The following AGMO variants were observed in gnomAD, a reference collection of about 807,000 sequenced individuals.
AGMO encodes the protein alkylglycerol monooxygenase, also known as glyceryl-ether monooxygenase.
Under a neutral mutation model 60.2 loss-of-function variants are expected in AGMO, and 75 were observed. That is an observed-to-expected ratio of 1.25 (90% CI 1.03 to 1.51). The LOEUF (loss-of-function observed/expected upper bound fraction) is 1.51, where lower values mean the gene tolerates loss of function less well. AGMO is among the 40% of genes most tolerant of loss of function. The probability of loss-of-function intolerance (pLI) is 0.00; values close to 1 mark genes in which losing one functional copy is unlikely to be tolerated. For missense variants in AGMO, 763 were observed against 525.5 expected, an observed-to-expected ratio of 1.45 and a Z score of -4.42; for synonymous variants, 261 against 177.1, an observed-to-expected ratio of 1.47 and a Z score of -3.76.
At chr7:15,432,963 C>T (rs943800091) in intron 3 of AGMO, among the ~76,000 whole-genome samples, 1 of 151,864 alleles carries the variant, frequency 6.6e-6, no homozygotes. Flanking sequence ...GTTTAAAAAC[C>T]GCTTACAGAT....
At chr7:15,548,007 C>T (rs1490470054) in intron 2 of AGMO, among the ~76,000 whole-genome samples, 2 of 146,732 alleles carry the variant, frequency 1.4e-5, no homozygotes, top group Non-Finnish European at 3.1e-5. Context: ...GGTCCCTGAC[C>T]CCTGACACCG....
chr7:15,363,499 A>C (rs1782845711), intron 12 of AGMO, among the ~76,000 whole-genome samples: 2 of 152,324 alleles, frequency 1.3e-5, no homozygotes, highest in Middle Eastern at 3.4e-3. Context: ...AAGAATAGGT[A>C]AGTGGTGAAG....
chr7:15,153,752 G>C, the AGMO span, among the ~76,000 whole-genome samples: 1 of 152,054 alleles, frequency 6.6e-6, no homozygotes, highest in African/African-American at 2.4e-5. Flanking sequence ...TTAAAGTATA[G>C]TTTGAAATCG....
chr7:15,451,822 A>C (rs1203967265), intron 3 of AGMO, among the ~76,000 whole-genome samples: 1 of 152,208 alleles, frequency 6.6e-6, no homozygotes, highest in Non-Finnish European at 1.5e-5. Context: ...GACCAAAAAA[A>C]AGGGAAATGA....
Position 15,212,219 on chromosome 7 carries a change from C to A in AGMO, c.1264-10860G>T, listed in dbSNP as rs538986271. Among the ~76,000 whole-genome samples the A allele has an allele frequency of 6.8e-4, 103 of 150,376 alleles. 1 individual carries two copies. Among genetic ancestry groups the A allele is most frequent in the South Asian group, 6.7e-3 (32 of 4,760 alleles). On this transcript the variant is annotated intron_variant, in intron 12 of 12. Coordinates refer to ENST00000342526, the MANE Select transcript of AGMO (RefSeq NM_001004320.2). ...AAATAAATACATTATTCTATCCATT[C>A]ACTATTTATTTAGTGTTAGGTGTGG...
intron 12 of AGMO, among the ~76,000 whole-genome samples, chr7:15,205,120 G>C (rs915509046): frequency 2.0e-5 from 3 of 152,168 alleles, no homozygotes; most frequent in Non-Finnish European, 2.9e-5. Flanking sequence ...AAATTACAAA[G>C]AAATGTGGTG....
intron 12 of AGMO, among the ~76,000 whole-genome samples, chr7:15,254,227 T>C (rs1291846919): frequency 6.6e-6 from 1 of 152,128 alleles, no homozygotes; most frequent in Non-Finnish European, 1.5e-5. Context: ...AACATATTGG[T>C]TTTATTTCTT....
At chr7:15,308,383 C>T (rs1454174510) in intron 12 of AGMO, among the ~76,000 whole-genome samples, 3 of 151,984 alleles carry the variant, frequency 2.0e-5, no homozygotes, top group African/African-American at 7.2e-5. Context: ...GCTCATTCAC[C>T]TCATTTGAGA....
intron 12 of AGMO, among the ~76,000 whole-genome samples, chr7:15,335,408 A>T (rs546530126): frequency 7.9e-5 from 12 of 152,302 alleles, no homozygotes; most frequent in African/African-American, 2.9e-4. Context: ...CTAAGTGGAA[A>T]TATTTCTTCT....
chr7:15,189,294 T>C, the AGMO span, among the ~76,000 whole-genome samples: 7,224 of 152,122 alleles, frequency 0.047, 555 homozygotes, highest in African/African-American at 0.16. Context: ...CTTGCAAGAC[T>C]TCCTAAAAGA....
chr7:15,239,184 G>A (rs1256701984), intron 12 of AGMO, among the ~76,000 whole-genome samples: 2 of 152,100 alleles, frequency 1.3e-5, no homozygotes, highest in Non-Finnish European at 2.9e-5. Flanking sequence ...GTTGCTTACT[G>A]TTCAAAGGGA....
At chr7:15,140,898 C>T in the AGMO span, among the ~76,000 whole-genome samples, 5 of 151,988 alleles carry the variant, frequency 3.3e-5, no homozygotes, top group Admixed American at 2.6e-4. Context: ...CTGTTTCCTG[C>T]TGGTTCTTAT....
intron 3 of AGMO, among the ~76,000 whole-genome samples, chr7:15,528,916 G>A (rs1001302990): frequency 6.6e-6 from 1 of 152,096 alleles, no homozygotes; most frequent in African/African-American, 2.4e-5. Context: ...CCAAAGCACT[G>A]GGATTAGAGG....
chr7:15,354,955 G>T (rs953917368), intron 12 of AGMO, among the ~76,000 whole-genome samples: 2 of 152,068 alleles, frequency 1.3e-5, no homozygotes, highest in African/African-American at 4.8e-5. Context: ...GACTATGCTA[G>T]GATGAAGTGG....
At chr7:15,503,022 T>A (rs1783426975) in intron 3 of AGMO, among the ~76,000 whole-genome samples, 1 of 152,062 alleles carries the variant, frequency 6.6e-6, no homozygotes, top group Non-Finnish European at 1.5e-5. Context: ...ATTACTGGTG[T>A]CATTTTTGGA....
chr7:15,353,745 TC>T (rs1782346099), intron 12 of AGMO, among the ~76,000 whole-genome samples: 1 of 152,118 alleles, frequency 6.6e-6, no homozygotes, highest in Admixed American at 6.5e-5. Context: ...GAAAATGACA[TC>T]TACTTGAACA....
At chr7:15,430,825 C>T (rs925670743) in intron 4 of AGMO, among the ~76,000 whole-genome samples, 180 bp downstream of exon 4, 2 of 151,130 alleles carry the variant, frequency 1.3e-5, no homozygotes, top group African/African-American at 4.9e-5. Flanking sequence ...GCATTTGCTT[C>T]ATGTGTGTCT....
chr7:15,481,817 A>G (rs192975729), intron 3 of AGMO, among the ~76,000 whole-genome samples: 144 of 137,294 alleles, frequency 1.0e-3, no homozygotes, highest in Non-Finnish European at 1.9e-3. Flanking sequence ...TTTTTGCTAA[A>G]TCAGGTTAAT....
chr7:15,290,725 T>C lies in AGMO; in HGVS notation c.1263+74789A>G, dbSNP rs113341981. 5.8e-3 allele frequency among the ~76,000 whole-genome samples: 876 copies of C among 152,266 alleles called. 3 individuals are homozygous for C. The highest frequency in any genetic ancestry group is 0.018 in the African/African-American group (758 of 41,558). On this transcript the variant is annotated intron_variant, in intron 12 of 12. Coordinates refer to ENST00000342526, the MANE Select transcript of AGMO (RefSeq NM_001004320.2). ...TCACATATACCCACATTCCATTTTA[T>C]CAAATCATCAAAAAAATTATTTAAA...
Sources: allele counts gnomAD v4.1 joint callset (sites outside exome capture counted in the v4.1 genomes callset), GRCh38; gene constraint gnomAD v4.1.1; transcripts MANE v1.5; gene names NCBI Gene and HGNC (gene_info 2026-07-23, HGNC 2026-07-21).